DZANK1: variants seen among roughly 807,000 people sequenced by gnomAD.
The protein encoded by DZANK1 is double zinc ribbon and ankyrin repeat-containing protein 1.
In DZANK1, 91 loss-of-function variants were observed where a neutral mutation model predicts 94.5. That is an observed-to-expected ratio of 0.96 (90% CI 0.81 to 1.15). DZANK1 has a LOEUF of 1.15. Among genes scored for constraint, DZANK1 ranks in the 50% most tolerant of loss-of-function variants. The pLI, the probability that DZANK1 is intolerant of heterozygous loss-of-function variation, is 0.00. For missense variants in DZANK1, 903 were observed against 916.4 expected (o/e 0.99, Z 0.19); for synonymous variants, 312 against 325.3 (o/e 0.96, Z 0.44).
At chr20:18,449,124 T>C in intron 6 of DZANK1, 55 bp from the exon 7 acceptor site, 1 of 1,411,048 alleles carries the variant, frequency 7.1e-7, no homozygotes, top group Non-Finnish European at 1.0e-6. Flanking sequence ...AATAACATGG[T>C]AAAGGCTATG....
At chr20:18,405,907 G>C (rs911238791) in intron 13 of DZANK1, among the ~76,000 whole-genome samples, 1 of 152,206 alleles carries the variant, frequency 6.6e-6, no homozygotes, top group African/African-American at 2.4e-5. Context: ...AGTGACTGGG[G>C]GACTGTACAC....
Position 18,415,501 on chromosome 20 carries a change from C to A in DZANK1, c.955-52G>T, listed in dbSNP as rs375471196. The A allele has an allele frequency of 5.3e-6, 7 of 1,325,644 alleles. No homozygotes were observed. The East Asian group carries it at 2.0e-4, about 37-fold the overall frequency. 82.1% of individuals were successfully genotyped at this position (1,325,644 alleles called of 1,614,324 possible). A position where few individuals can be genotyped will look rare whatever the true frequency, so the allele number is the denominator to read the frequency against. Reference sequence around the variant, plus strand: ...CAGGATCAGTACTATATTCTCTAATCCCCCTCCCAATTCAAAAAAGATAAA... The same window carrying A: ...CAGGATCAGTACTATATTCTCTAATACCCCTCCCAATTCAAAAAAGATAAA... On this transcript the variant is annotated intron_variant, in intron 10 of 20. Transcript: ENST00000262547.
At chr20:18,419,617 A>G (rs955225910) in intron 10 of DZANK1, among the ~76,000 whole-genome samples, 3 of 151,128 alleles carry the variant, frequency 2.0e-5, no homozygotes, top group Non-Finnish European at 4.4e-5. Flanking sequence ...ATGGAGGCCA[A>G]AAGAGTGTGG....
chr20:18,393,863 C>T (rs2056165595), intron 16 of DZANK1, 52 bp from the exon 17 acceptor site: 9 of 1,189,178 alleles, frequency 7.6e-6, no homozygotes, highest in Non-Finnish European at 1.1e-5. Context: ...CAACTCCCCA[C>T]ACAAACAGTT....
chr20:18,432,410 T>C (rs1437332043), intron 9 of DZANK1: 1 of 152,204 alleles, frequency 6.6e-6, no homozygotes, highest in Non-Finnish European at 1.5e-5. Flanking sequence ...TCCAGGACTG[T>C]ATAGTGGCTT....
intron 19 of DZANK1, among the ~76,000 whole-genome samples, chr20:18,387,824 G>C (rs1361802209): frequency 6.6e-6 from 1 of 152,200 alleles, no homozygotes; most frequent in African/African-American, 2.4e-5. Context: ...GAAGTTACCT[G>C]GTGAAGAGAC....
intron 1 of DZANK1, 189 bp from the exon 2 acceptor site, chr20:18,465,566 T>C (rs2059619929): frequency 1.2e-5 from 3 of 260,192 alleles, no homozygotes; most frequent in East Asian, 1.3e-4. Context: ...GTGTGGGGTT[T>C]TGATTATCTA....
At chr20:18,412,397 G>C (rs2057300476) in intron 13 of DZANK1, among the ~76,000 whole-genome samples, 1 of 152,158 alleles carries the variant, frequency 6.6e-6, no homozygotes, top group African/African-American at 2.4e-5. Flanking sequence ...AAACCCACAT[G>C]CGCCATGTGA....
In DZANK1 at chr20:18,453,730, C is replaced by A; in HGVS notation, c.475+1G>T. 1 of 1,604,954 alleles carries A rather than the reference C, an allele frequency of 6.2e-7. No individual in the cohort carries two copies. The highest frequency in any genetic ancestry group is 2.2e-5 in the East Asian group (1 of 44,840). ...CTTGTCTTTGTTCTGTCACATCATA[C>A]CTGGAAACTTTCTAAGGTTAACATT... On this transcript the variant is annotated splice_donor_variant, in intron 5 of 20. Coordinates refer to ENST00000262547, the Ensembl canonical transcript of DZANK1. LOFTEE classifies it high-confidence loss of function.
chr20:18,396,486 G>A lies in DZANK1; in HGVS notation c.1597C>T (p.Gln533Ter). ...GGCTTACTCACCTTGTTTGAGACTTGACTATAATTCAGTCTGATGCTAACT... is the reference window on the plus strand; with the variant it reads ...GGCTTACTCACCTTGTTTGAGACTTAACTATAATTCAGTCTGATGCTAACT... Residue 533 changes from glutamine (Q) to a stop codon, truncating the protein, a stop_gained, in exon 15 of 21, where the codon CAA becomes TAA. Transcript: ENST00000262547. LOFTEE classifies it high-confidence loss of function. 1 of 1,612,864 alleles carries A rather than the reference G, an allele frequency of 6.2e-7. No homozygotes were observed. Among genetic ancestry groups the A allele is most frequent in the Non-Finnish European group, 8.5e-7 (1 of 1,179,366 alleles).
At chr20:18,422,349 G>A (rs1246188828) in intron 10 of DZANK1, among the ~76,000 whole-genome samples, 2 of 152,094 alleles carry the variant, frequency 1.3e-5, no homozygotes, top group African/African-American at 4.8e-5. Context: ...TCAATTGATG[G>A]TAGATGCATG....
chr20:18,434,969 A>C (rs762683789), intron 8 of DZANK1, among the ~76,000 whole-genome samples: 6 of 152,354 alleles, frequency 3.9e-5, no homozygotes, highest in Middle Eastern at 6.8e-3. Flanking sequence ...AGGTAATTCA[A>C]TGATAGGGGC....
At position 18,444,077 on chromosome 20, in the gene DZANK1, T is replaced by C. The variant is rs115013968; in HGVS notation, c.630-613A>G. ...AATTAGGCTGCCCTAATTCCTTTCC[T>C]GCTACTGCCATGCCTTTCCAGACAA... is the stretch of plus-strand genomic sequence containing the variant. On this transcript the variant is annotated intron_variant, in intron 7 of 20. Transcript: ENST00000262547. Among the ~76,000 whole-genome samples, 1,327 of 152,314 alleles carry C rather than the reference T, an allele frequency of 8.7e-3. 24 individuals are homozygous for C. Among genetic ancestry groups the C allele is most frequent in the African/African-American group, 0.03 (1,266 of 41,546 alleles).
At chr20:18,429,519 C>A (rs985263433) in intron 9 of DZANK1, among the ~76,000 whole-genome samples, 1 of 152,180 alleles carries the variant, frequency 6.6e-6, no homozygotes, top group African/African-American at 2.4e-5. Flanking sequence ...GCCACAGACA[C>A]GGCCTCCCCC....
At chr20:18,433,373 G>A in intron 9 of DZANK1, 1 of 341,686 alleles carries the variant, frequency 2.9e-6, no homozygotes, top group South Asian at 2.8e-5. Context: ...GAAACCCCAT[G>A]TCTACTAAAA....
At chr20:18,447,213 C>T (rs1310608804) in intron 7 of DZANK1, among the ~76,000 whole-genome samples, 2 of 152,102 alleles carry the variant, frequency 1.3e-5, no homozygotes, top group South Asian at 2.1e-4. Context: ...TGGTGGCTCA[C>T]GCCTATAATC....
At chr20:18,385,651 C>T (rs574224023) in intron 19 of DZANK1, among the ~76,000 whole-genome samples, 31 of 152,262 alleles carry the variant, frequency 2.0e-4, no homozygotes, top group Admixed American at 2.0e-3. Context: ...CTCCTAACCT[C>T]GTGCTCCACC....
intron 10 of DZANK1, among the ~76,000 whole-genome samples, chr20:18,423,328 C>T (rs2057882856): frequency 6.6e-6 from 1 of 152,182 alleles, no homozygotes; most frequent in African/African-American, 2.4e-5. Flanking sequence ...TTTGTGTGTT[C>T]TTCAATTTCC....
chr20:18,385,102 G>A lies in DZANK1; in HGVS notation c.2019-12C>T, dbSNP rs1209498588. 1.3e-6 allele frequency: 2 copies of A among 1,551,840 alleles called. No individual in the cohort carries two copies. Among genetic ancestry groups the A allele is most frequent in the Admixed American group, 2.0e-5 (1 of 51,032 alleles). On this transcript the variant is annotated splice_polypyrimidine_tract_variant and intron_variant, in intron 19 of 20. Coordinates refer to ENST00000262547, the Ensembl canonical transcript of DZANK1. ...CTGTATTTCTGAGCCTAATGAGGGG[G>A]GAAAAATCCTGGATAAATCCTTAGT...
Sources: allele counts gnomAD v4.1 joint callset (sites outside exome capture counted in the v4.1 genomes callset), GRCh38; gene constraint gnomAD v4.1.1; transcripts MANE v1.5; gene names NCBI Gene and HGNC (gene_info 2026-07-23, HGNC 2026-07-21).